The following XKR9 variants were observed in gnomAD, a reference collection of about 807,000 sequenced individuals.
XKR9 encodes the protein XK related 9.
In XKR9, 32 loss-of-function variants were observed where a neutral mutation model predicts 32.0. The ratio of observed to expected loss-of-function variants is 1.00; its 90% confidence interval spans 0.76 to 1.34. The LOEUF (loss-of-function observed/expected upper bound fraction) is 1.34, where lower values mean the gene tolerates loss of function less well. Among genes scored for constraint, XKR9 ranks in the 40% most tolerant of loss-of-function variants. The pLI is 0.00. For missense variants in XKR9, 546 were observed against 429.7 expected, an observed-to-expected ratio of 1.27 and a Z score of -2.39; for synonymous variants, 168 against 143.4, an observed-to-expected ratio of 1.17 and a Z score of -1.22.
chr8:70,868,163 T>C, the XKR9 span, among the ~76,000 whole-genome samples: 1 of 152,172 alleles, frequency 6.6e-6, no homozygotes, highest in Non-Finnish European at 1.5e-5. Context: ...CTGTGGCTTT[T>C]CCAGGTGCAT....
the XKR9 span, among the ~76,000 whole-genome samples, chr8:70,999,077 G>GTC: frequency 3.3e-5 from 5 of 151,710 alleles, no homozygotes; most frequent in East Asian, 1.9e-4. Context: ...TTGTTTCTCT[G>GTC]TCTCTCTCTC....
chr8:70,832,296 G>A, the XKR9 span, among the ~76,000 whole-genome samples: 16 of 152,136 alleles, frequency 1.1e-4, no homozygotes, highest in Admixed American at 2.6e-4. Flanking sequence ...GGGCATTCAC[G>A]GGGTAGGGAC....
intron 4 of XKR9, among the ~76,000 whole-genome samples, chr8:70,714,609 C>T (rs1806029358): frequency 6.6e-6 from 1 of 151,872 alleles, no homozygotes; most frequent in Non-Finnish European, 1.5e-5. Flanking sequence ...ATGCATTTTT[C>T]AATTATTGTC....
the XKR9 span, among the ~76,000 whole-genome samples, chr8:70,829,670 G>T: frequency 6.6e-6 from 1 of 152,148 alleles, no homozygotes; most frequent in Non-Finnish European, 1.5e-5. Flanking sequence ...GGATGGTCTC[G>T]ACCTCCTCAC....
chr8:70,845,050 C>G, the XKR9 span, among the ~76,000 whole-genome samples: 2 of 152,186 alleles, frequency 1.3e-5, no homozygotes, highest in Non-Finnish European at 2.9e-5. Flanking sequence ...GCATGCCTGG[C>G]CCACTGCTGC....
chr8:70,970,818 G>A, the XKR9 span, among the ~76,000 whole-genome samples: 1 of 152,178 alleles, frequency 6.6e-6, no homozygotes, highest in Non-Finnish European at 1.5e-5. Flanking sequence ...ATGCTGGAGA[G>A]GATGTGGAGA....
intron 3 of XKR9, among the ~76,000 whole-genome samples, chr8:70,706,015 T>G (rs1426364913): frequency 6.6e-6 from 1 of 152,164 alleles, no homozygotes; most frequent in East Asian, 1.9e-4. Context: ...ATTCCCACAT[T>G]TTTGGTCTGA....
the XKR9 span, among the ~76,000 whole-genome samples, chr8:70,998,495 C>A: frequency 2.0e-5 from 3 of 152,196 alleles, no homozygotes; most frequent in Admixed American, 1.3e-4. Context: ...TACTTCCCTG[C>A]AGAGCTTAAG....
the XKR9 span, among the ~76,000 whole-genome samples, chr8:70,984,110 G>T: frequency 6.6e-6 from 1 of 152,106 alleles, no homozygotes; most frequent in Non-Finnish European, 1.5e-5. Flanking sequence ...GTCACTATGG[G>T]GGTGTCTTTC....
At chr8:70,782,892 G>T (rs1303206483) in intron 2 of XKR9, among the ~76,000 whole-genome samples, 1 of 152,164 alleles carries the variant, frequency 6.6e-6, no homozygotes, top group Non-Finnish European at 1.5e-5. Context: ...ATGTAGGACT[G>T]CCAACACCTC....
the XKR9 span, among the ~76,000 whole-genome samples, chr8:70,923,579 G>A: frequency 1.3e-5 from 2 of 152,204 alleles, no homozygotes; most frequent in African/African-American, 2.4e-5. Flanking sequence ...ATGGTTATAT[G>A]TTTTTGTAAA....
At chr8:70,811,846 G>A in the XKR9 span, among the ~76,000 whole-genome samples, 3 of 151,802 alleles carry the variant, frequency 2.0e-5, no homozygotes, top group African/African-American at 7.3e-5. Flanking sequence ...ATTCACAGCC[G>A]AATTCTACCA....
chr8:70,716,443 T>C (rs1463072853), intron 4 of XKR9, among the ~76,000 whole-genome samples: 1 of 150,720 alleles, frequency 6.6e-6, no homozygotes, highest in Non-Finnish European at 1.5e-5. Flanking sequence ...TGGGGGGCCT[T>C]AGAAAACTTA....
At chr8:70,836,586 T>C in the XKR9 span, among the ~76,000 whole-genome samples, 1 of 152,062 alleles carries the variant, frequency 6.6e-6, no homozygotes, top group Admixed American at 6.6e-5. Flanking sequence ...AAAAATGATT[T>C]AAAAAATCCA....
chr8:70,858,595 C>T, the XKR9 span, among the ~76,000 whole-genome samples: 1 of 152,088 alleles, frequency 6.6e-6, no homozygotes, highest in African/African-American at 2.4e-5. Flanking sequence ...ATCACATTAC[C>T]CGACTTCAAA....
At chr8:70,798,315 G>C in the XKR9 span, among the ~76,000 whole-genome samples, 1 of 152,068 alleles carries the variant, frequency 6.6e-6, no homozygotes, top group Non-Finnish European at 1.5e-5. Context: ...TAGTGATGTT[G>C]AGCATGTTTT....
intron 4 of XKR9, among the ~76,000 whole-genome samples, chr8:70,726,850 A>G (rs1448201584): frequency 1.3e-5 from 2 of 152,236 alleles, no homozygotes; most frequent in African/African-American, 4.8e-5. Context: ...TTCACCAGAG[A>G]GTCCATCTCC....
At chr8:70,748,881 T>C (rs887248194) in intron 2 of XKR9, among the ~76,000 whole-genome samples, 3 of 148,738 alleles carry the variant, frequency 2.0e-5, no homozygotes, top group African/African-American at 7.4e-5. Context: ...ACTCAGACAT[T>C]GGGACTACAA....
At chr8:71,026,515 G>A in the XKR9 span, among the ~76,000 whole-genome samples, 12 of 152,118 alleles carry the variant, frequency 7.9e-5, no homozygotes, top group South Asian at 1.0e-3. Context: ...AAGTATGTAC[G>A]GTGTGTCCTG....
Sources: allele counts gnomAD v4.1 joint callset (sites outside exome capture counted in the v4.1 genomes callset), GRCh38; gene constraint gnomAD v4.1.1; transcripts MANE v1.5; gene names NCBI Gene and HGNC (gene_info 2026-07-23, HGNC 2026-07-21).